The following CSMD1 variants were observed in gnomAD, a reference collection of about 807,000 sequenced individuals.
The protein encoded by CSMD1 is CUB and sushi domain-containing protein 1.
A neutral mutation model predicts 417.5 loss-of-function variants in CSMD1; 213 were observed. The ratio of observed to expected loss-of-function variants is 0.51; its 90% confidence interval spans 0.46 to 0.57. The LOEUF (loss-of-function observed/expected upper bound fraction) is 0.57. CSMD1 is among the 20% of genes least tolerant of loss of function. The pLI, the probability that CSMD1 is intolerant of heterozygous loss-of-function variation, is 0.00. For synonymous variants in CSMD1, 2,862 were observed against 1,736.8 expected (o/e 1.65, Z -16.11); for missense variants, 6,923 against 4,529.7 (o/e 1.53, Z -15.17).
chr8:3,353,516 G>A (rs1808549996), intron 21 of CSMD1, among the ~76,000 whole-genome samples: 1 of 152,192 alleles, frequency 6.6e-6, no homozygotes, highest in Non-Finnish European at 1.5e-5. Context: ...AAGAATGGAT[G>A]TGTCAAAGAA....
At chr8:4,463,055 C>T (rs928650425) in intron 2 of CSMD1, among the ~76,000 whole-genome samples, 1 of 152,116 alleles carries the variant, frequency 6.6e-6, no homozygotes, top group African/African-American at 2.4e-5. Context: ...ATATAAATAA[C>T]TTGCATCTGG....
In CSMD1 at chr8:2,965,839, G is replaced by C; in HGVS notation, c.9216C>G (p.Val3072=). 1 of 1,608,544 alleles carries C rather than the reference G, an allele frequency of 6.2e-7. No homozygotes were observed. The highest frequency in any genetic ancestry group is 1.1e-5 in the South Asian group (1 of 89,784). Residue 3072 remains valine, a synonymous_variant, in exon 59 of 70, where the codon GTC becomes GTG. Transcript: ENST00000635120. ...TGGTACAGCGAATAGTGGCGGATGTGACTGCTTCCATGACATAGCCTGGGT... is the reference window on the plus strand; with the variant it reads ...TGGTACAGCGAATAGTGGCGGATGTCACTGCTTCCATGACATAGCCTGGGT... ...QCNPGYVMEA[V]TSATIRCTKD...
chr8:3,108,792 CTGAG>C (rs1563052771), intron 43 of CSMD1, 44 bp from the exon 44 acceptor site: 1 of 1,557,288 alleles, frequency 6.4e-7, no homozygotes, highest in Non-Finnish European at 8.7e-7. Flanking sequence ...ATATTTACTT[CTGAG>C]TGAGATTTAT....
At chr8:4,008,487 T>A (rs1816300759) in intron 4 of CSMD1, among the ~76,000 whole-genome samples, 1 of 151,666 alleles carries the variant, frequency 6.6e-6, no homozygotes, top group South Asian at 2.1e-4. Flanking sequence ...AGCTCTCCCT[T>A]GTTTACACAT....
chr8:4,311,499 G>A lies in CSMD1; in HGVS notation c.415+108454C>T, dbSNP rs181893352. ...GCATTTCAGAAGGCCAAGTTGGGCA[G>A]ATCACCTGAGATCAGGAGTTCGAGA... On this transcript the variant is annotated intron_variant, in intron 3 of 69. Transcript: ENST00000635120. Among the ~76,000 whole-genome samples, 4 of 152,270 alleles carry A rather than the reference G, an allele frequency of 2.6e-5. No individual in the cohort carries two copies. The East Asian group carries it at 5.8e-4, about 22-fold the overall frequency.
At chr8:4,004,089 C>T (rs933562667) in intron 4 of CSMD1, among the ~76,000 whole-genome samples, 6 of 152,004 alleles carry the variant, frequency 3.9e-5, no homozygotes, top group African/African-American at 1.4e-4. Context: ...AAAAGCAGAA[C>T]AAATTTATCT....
chr8:3,463,419 T>C (rs951042885), intron 12 of CSMD1, among the ~76,000 whole-genome samples: 2 of 152,202 alleles, frequency 1.3e-5, no homozygotes, highest in African/African-American at 4.8e-5. Flanking sequence ...TATAAACGCT[T>C]TGTGACAGTC....
intron 2 of CSMD1, among the ~76,000 whole-genome samples, chr8:4,619,065 G>C (rs889135028): frequency 2.0e-5 from 3 of 151,990 alleles, no homozygotes; most frequent in African/African-American, 7.2e-5. Flanking sequence ...TTTTTTCCCG[G>C]TACGAAAGCC....
chr8:3,402,027 C>G (rs1812069111), intron 15 of CSMD1, among the ~76,000 whole-genome samples: 1 of 151,946 alleles, frequency 6.6e-6, no homozygotes. Flanking sequence ...TACACACACA[C>G]ACATACACCC....
intron 2 of CSMD1, among the ~76,000 whole-genome samples, chr8:4,568,177 T>A (rs1390294203): frequency 6.6e-6 from 1 of 152,184 alleles, no homozygotes; most frequent in African/African-American, 2.4e-5. Flanking sequence ...ATGGGATACA[T>A]GTGCAGAAAG....
intron 5 of CSMD1, among the ~76,000 whole-genome samples, chr8:3,915,216 G>C (rs1808734834): frequency 6.6e-6 from 1 of 151,898 alleles, no homozygotes; most frequent in Non-Finnish European, 1.5e-5. Context: ...GACCAGCCTG[G>C]CCAACATCAC....
At chr8:4,581,185 T>C (rs1308898537) in intron 2 of CSMD1, among the ~76,000 whole-genome samples, 1 of 152,240 alleles carries the variant, frequency 6.6e-6, no homozygotes, top group Non-Finnish European at 1.5e-5. Context: ...TAGAATTTAG[T>C]TGACTTGTTG....
chr8:4,503,415 C>T (rs1286884445), intron 2 of CSMD1, among the ~76,000 whole-genome samples: 3 of 151,886 alleles, frequency 2.0e-5, no homozygotes, highest in African/African-American at 2.4e-5. Flanking sequence ...TAAAATAAGT[C>T]GAGAAAATAC....
rs574461782 is a variant in CSMD1, at chr8:3,987,002, G to A, written c.818+10901C>T. 1.6e-3 allele frequency among the ~76,000 whole-genome samples: 246 copies of A among 152,214 alleles called. 1 individual carries two copies. The highest frequency in any genetic ancestry group is 1.9e-3 in the South Asian group (9 of 4,820). ...ACTACTGACATCAAATAATCCACCTGCCTCAGCCTCCCAAAGTGCTGGGAT... is the reference window on the plus strand; with the variant it reads ...ACTACTGACATCAAATAATCCACCTACCTCAGCCTCCCAAAGTGCTGGGAT... On this transcript the variant is annotated intron_variant, in intron 5 of 69. Coordinates refer to ENST00000635120, the MANE Select transcript of CSMD1 (RefSeq NM_033225.6).
chr8:4,333,787 C>G (rs912012363), intron 3 of CSMD1, among the ~76,000 whole-genome samples: 6 of 152,046 alleles, frequency 3.9e-5, no homozygotes, highest in Non-Finnish European at 8.8e-5. Context: ...CTGGGTCTGC[C>G]CCTGGAAACA....
Position 3,664,542 on chromosome 8 carries a change from G to C in CSMD1, c.1009+43872C>G, listed in dbSNP as rs577465692. 3.9e-5 allele frequency among the ~76,000 whole-genome samples: 6 copies of C among 152,296 alleles called. No individual in the cohort carries two copies. The East Asian group carries it at 1.2e-3, about 29-fold the overall frequency. ...TGTATGCTGATGGTGGGTCAAGAGC[G>C]TGAGTGTTTCCTCATGAGAGAAAAG... On this transcript the variant is annotated intron_variant, in intron 7 of 69. Transcript: ENST00000635120.
chr8:3,966,121 G>T (rs1262666160), intron 5 of CSMD1, among the ~76,000 whole-genome samples: 1 of 152,228 alleles, frequency 6.6e-6, no homozygotes, highest in Middle Eastern at 3.4e-3. Context: ...TAGGGAATAG[G>T]CTCCCATCCA....
chr8:3,287,871 C>G (rs199603865), intron 25 of CSMD1, among the ~76,000 whole-genome samples: 20,466 of 133,714 alleles, frequency 0.15, 1,979 homozygotes, highest in Admixed American at 0.2. Flanking sequence ...GGGCATCCCT[C>G]TCTTGTGCCA....
intron 1 of CSMD1, among the ~76,000 whole-genome samples, chr8:4,950,665 G>A (rs1002126553): frequency 1.3e-5 from 2 of 152,138 alleles, no homozygotes; most frequent in Non-Finnish European, 2.9e-5. Flanking sequence ...AGGATTTCCG[G>A]AAAAAGAATT....
Sources: allele counts gnomAD v4.1 joint callset (sites outside exome capture counted in the v4.1 genomes callset), GRCh38; gene constraint gnomAD v4.1.1; transcripts MANE v1.5; gene names NCBI Gene and HGNC (gene_info 2026-07-23, HGNC 2026-07-21).